Variants in CFAP299 observed in about 807,000 individuals in gnomAD.
CFAP299 encodes the protein cilia and flagella associated protein 299.
A neutral mutation model predicts 27.0 loss-of-function variants in CFAP299; 21 were observed. That is an observed-to-expected ratio of 0.78 (90% CI 0.55 to 1.12). CFAP299 has a LOEUF of 1.12. Ranked by LOEUF, CFAP299 falls within the 50% of genes most tolerant of loss-of-function variation. The pLI is 0.00. For synonymous variants in CFAP299, 104 were observed against 98.1 expected (o/e 1.06, Z -0.36); for missense variants, 310 against 276.6 (o/e 1.12, Z -0.86).
chr4:80,419,034 C>T (rs984649889), intron 2 of CFAP299, among the ~76,000 whole-genome samples: 1 of 152,126 alleles, frequency 6.6e-6, no homozygotes, highest in African/African-American at 2.4e-5. Flanking sequence ...AATCTATATC[C>T]ATACAGGTCT....
chr4:80,575,930 G>C (rs867366613), intron 2 of CFAP299, among the ~76,000 whole-genome samples: 1 of 151,686 alleles, frequency 6.6e-6, no homozygotes, highest in Admixed American at 6.6e-5. Flanking sequence ...GCAAACTATC[G>C]CAAGGACAAA....
At chr4:80,743,210 A>G in intron 3 of CFAP299, among the ~76,000 whole-genome samples, 1 of 152,114 alleles carries the variant, frequency 6.6e-6, no homozygotes, top group Non-Finnish European at 1.5e-5. Context: ...AGCCTGGCCA[A>G]CATGGTGAAA....
intron 4 of CFAP299, among the ~76,000 whole-genome samples, chr4:80,883,872 AC>A (rs1236991305): frequency 1.3e-5 from 2 of 151,942 alleles, no homozygotes; most frequent in African/African-American, 4.8e-5. Flanking sequence ...GTTTGTTTTT[AC>A]TTTTATTTTA....
At chr4:80,685,054 T>C (rs1473628855) in intron 3 of CFAP299, among the ~76,000 whole-genome samples, 2 of 152,184 alleles carry the variant, frequency 1.3e-5, no homozygotes, top group African/African-American at 2.4e-5. Context: ...AAAATTTGGA[T>C]CTGGATGCTG....
chr4:80,880,743 A>AAATT (rs1733654860), intron 4 of CFAP299, among the ~76,000 whole-genome samples: 3 of 151,146 alleles, frequency 2.0e-5, no homozygotes, highest in East Asian at 2.0e-4. Flanking sequence ...AAAATAAAAT[A>AAATT]AAATAAAATA....
intron 3 of CFAP299, 77 bp downstream of exon 3, chr4:80,583,260 A>T: frequency 2.6e-6 from 2 of 758,714 alleles, no homozygotes; most frequent in Admixed American, 5.4e-5. Context: ...AACATTAAAT[A>T]TCTTTCTTAA....
chr4:80,513,268 T>C (rs983462856), intron 2 of CFAP299, among the ~76,000 whole-genome samples: 6 of 152,164 alleles, frequency 3.9e-5, no homozygotes, highest in African/African-American at 1.4e-4. Flanking sequence ...TGAAACATTT[T>C]AGGCAGCAGC....
At chr4:80,670,248 C>G (rs1741400572) in intron 3 of CFAP299, among the ~76,000 whole-genome samples, 1 of 151,478 alleles carries the variant, frequency 6.6e-6, no homozygotes, top group South Asian at 2.1e-4. Context: ...GTTTGGTTTT[C>G]TATCCTTCTG....
intron 3 of CFAP299, among the ~76,000 whole-genome samples, chr4:80,785,340 G>T (rs189899053): frequency 6.6e-6 from 1 of 151,830 alleles, no homozygotes; most frequent in Non-Finnish European, 1.5e-5. Context: ...CTATTTTCCC[G>T]CCCTTACCAA....
chr4:80,604,087 C>G (rs1737508405), intron 3 of CFAP299, among the ~76,000 whole-genome samples: 1 of 152,050 alleles, frequency 6.6e-6, no homozygotes, highest in South Asian at 2.1e-4. Flanking sequence ...TTATCCTTAC[C>G]TTTAGGAGAC....
At chr4:80,710,461 C>T (rs1052037041) in intron 3 of CFAP299, among the ~76,000 whole-genome samples, 7 of 144,242 alleles carry the variant, frequency 4.9e-5, no homozygotes, top group Non-Finnish European at 1.0e-4. Context: ...TCTCTCATAA[C>T]GTGGGCTTTC....
At chr4:80,877,502 G>A (rs540190436) in intron 4 of CFAP299, among the ~76,000 whole-genome samples, 1 of 152,248 alleles carries the variant, frequency 6.6e-6, no homozygotes, top group South Asian at 2.1e-4. Context: ...GCAATCACTT[G>A]GTAGTTTCTT....
At chr4:80,911,115 G>GTATT (rs1035080093) in intron 4 of CFAP299, among the ~76,000 whole-genome samples, 1 of 151,516 alleles carries the variant, frequency 6.6e-6, no homozygotes, top group Non-Finnish European at 1.5e-5. Context: ...GCACTTCAAA[G>GTATT]TATTTAAATA....
At position 80,960,185 on chromosome 4, in the gene CFAP299, T is replaced by C. The variant is rs542525145; in HGVS notation, c.607-3332T>C. Among the ~76,000 whole-genome samples, 84 of 151,670 alleles carry C rather than the reference T, an allele frequency of 5.5e-4. 1 individual carries two copies. Among genetic ancestry groups the C allele is most frequent in the African/African-American group, 1.9e-3 (77 of 41,460 alleles). ...AACAAGCCCATCAAGATTGGGCAAA[T>C]TTTACTAAAATTGTAGCACATCTCA... On this transcript the variant is annotated intron_variant, in intron 5 of 5. Transcript: ENST00000358105.
At chr4:80,927,726 C>T (rs955572347) in intron 4 of CFAP299, among the ~76,000 whole-genome samples, 1 of 152,126 alleles carries the variant, frequency 6.6e-6, no homozygotes, top group African/African-American at 2.4e-5. Flanking sequence ...GTCTTAAATC[C>T]TTCTCATGCT....
In CFAP299 at chr4:80,836,749, G is replaced by T. The variant is rs574843520; in HGVS notation, c.334-33244G>T. Among the ~76,000 whole-genome samples the T allele has an allele frequency of 2.0e-5, 3 of 152,188 alleles. No homozygotes were observed. The East Asian group carries it at 5.8e-4, about 29-fold the overall frequency. ...TTAGGATGCATATATCTTTGAGGGG[G>T]CATGATTCTGCCTGCTACATAGTTT... On this transcript the variant is annotated intron_variant, in intron 3 of 5. Transcript: ENST00000358105.
intron 2 of CFAP299, among the ~76,000 whole-genome samples, chr4:80,536,700 A>G (rs1330041184): frequency 1.3e-5 from 2 of 152,130 alleles, no homozygotes; most frequent in Admixed American, 1.3e-4. Context: ...ACATCATGTA[A>G]CAAAAATCAA....
the CFAP299 span, among the ~76,000 whole-genome samples, chr4:80,324,302 G>T: frequency 2.0e-5 from 3 of 152,150 alleles, no homozygotes; most frequent in Non-Finnish European, 4.4e-5. Context: ...GAAAGAACGT[G>T]GGAGTATAAC....
intron 4 of CFAP299, among the ~76,000 whole-genome samples, chr4:80,919,529 A>T (rs1048565767): frequency 3.3e-5 from 5 of 152,180 alleles, no homozygotes; most frequent in African/African-American, 1.2e-4. Flanking sequence ...GTAAAGTTGA[A>T]TTATCCATTA....
Sources: allele counts gnomAD v4.1 joint callset (sites outside exome capture counted in the v4.1 genomes callset), GRCh38; gene constraint gnomAD v4.1.1; transcripts MANE v1.5; gene names NCBI Gene and HGNC (gene_info 2026-07-23, HGNC 2026-07-21).